The following PEAK1 variants were observed in gnomAD, a reference collection of about 807,000 sequenced individuals.
PEAK1 encodes inactive tyrosine-protein kinase PEAK1.
A neutral mutation model predicts 124.7 loss-of-function variants in PEAK1; 54 were observed. The ratio of observed to expected loss-of-function variants is 0.43; its 90% confidence interval spans 0.35 to 0.54. The LOEUF is 0.54. PEAK1 is among the 20% of genes least tolerant of loss of function. The pLI is 0.01. For missense variants in PEAK1, 2,046 were observed against 2,134.5 expected (o/e 0.96, Z 0.82); for synonymous variants, 719 against 760.0 (o/e 0.95, Z 0.89).
rs1027962130 is a variant in PEAK1, at chr15:77,333,118, A to G, written c.-603+32045T>C. On this transcript the variant is annotated intron_variant, in intron 2 of 9. Transcript: ENST00000682557. Reference sequence around the variant, plus strand: ...CAATTTTGTTGATGGTATTTGATACATAATTTTTTGTGCAACTAAAACACT... The same window carrying G: ...CAATTTTGTTGATGGTATTTGATACGTAATTTTTTGTGCAACTAAAACACT... 6.1e-6 allele frequency: 6 copies of G among 981,880 alleles called. No individual in the cohort carries two copies. In the East Asian group the frequency reaches 6.8e-4, roughly 111 times the overall value. 60.8% of individuals were successfully genotyped at this position (981,880 alleles called of 1,614,324 possible).
Position 77,181,477 on chromosome 15 carries a change from A to G in PEAK1, c.450T>C (p.Thr150=). The G allele has an allele frequency of 2.5e-6, 4 of 1,614,116 alleles. No homozygotes were observed. Among genetic ancestry groups the G allele is most frequent in the Non-Finnish European group, 3.4e-6 (4 of 1,180,022 alleles). ...KKMSDNNNGL[T]EVLKEIAGLD... is the part of the protein sequence containing the mutation. ...AGCCTGCTATCTCCTTTAACACTTC[A>G]GTTAGTCCATTATTGTTATCTGACA... Residue 150 remains threonine, a synonymous_variant, in exon 7 of 10, where the codon ACT becomes ACC. Coordinates refer to ENST00000682557, the MANE Select transcript of PEAK1 (RefSeq NM_001385026.1).
In PEAK1 at chr15:77,286,425, G is replaced by A; in HGVS notation, c.-523C>T. 5 of 1,214,654 alleles carry A rather than the reference G, an allele frequency of 4.1e-6. No individual in the cohort carries two copies. Among genetic ancestry groups the A allele is most frequent in the Non-Finnish European group, 5.1e-6 (5 of 972,774 alleles). 75.2% of individuals were successfully genotyped at this position (1,214,654 alleles called of 1,614,324 possible). ...TTATGGAAAGAAAAAGTACAAACCT[G>A]GTTTAATTGGCTCCAACTCTGGGCA... On this transcript the variant is annotated splice_region_variant and 5_prime_UTR_variant, in exon 3 of 10. Coordinates refer to ENST00000682557, the MANE Select transcript of PEAK1 (RefSeq NM_001385026.1).
At position 77,176,437 on chromosome 15, in the gene PEAK1, T is replaced by C. The variant is rs2152813009; in HGVS notation, c.3137+2353A>G. Among the ~76,000 whole-genome samples the C allele has an allele frequency of 2.6e-5, 4 of 152,236 alleles. No homozygotes were observed. In the South Asian group the frequency reaches 8.3e-4, roughly 32 times the overall value. ...AAGTGTGACCCAAGGACCAGCAGCA[T>C]CAGTATCACCCAGGAACTTATTAGA... On this transcript the variant is annotated intron_variant, in intron 7 of 9. Coordinates refer to ENST00000682557, the MANE Select transcript of PEAK1 (RefSeq NM_001385026.1).
At chr15:77,400,135 T>A (rs1036184226) in intron 1 of PEAK1, among the ~76,000 whole-genome samples, 11 of 152,184 alleles carry the variant, frequency 7.2e-5, no homozygotes, top group Admixed American at 1.3e-4. Context: ...AAATGGCTTT[T>A]ATCCAAAAGA....
At chr15:77,280,989 A>C (rs1301725386) in intron 5 of PEAK1, among the ~76,000 whole-genome samples, 1 of 152,036 alleles carries the variant, frequency 6.6e-6, no homozygotes, top group Non-Finnish European at 1.5e-5. Context: ...GTGAAACCCC[A>C]TCTCTACTGA....
chr15:77,371,326 T>G (rs2068625660), intron 1 of PEAK1: 1 of 915,228 alleles, frequency 1.1e-6, no homozygotes, highest in South Asian at 5.0e-5. Context: ...AAATATTCCT[T>G]CCTTTAATTA....
At chr15:77,352,908 T>C in intron 2 of PEAK1, 1 of 985,396 alleles carries the variant, frequency 1.0e-6, no homozygotes. Context: ...AGGCACATAT[T>C]TGCTATACAC....
At chr15:77,197,120 CG>C (rs2058145254) in intron 6 of PEAK1, among the ~76,000 whole-genome samples, 3 of 151,908 alleles carry the variant, frequency 2.0e-5, no homozygotes, top group African/African-American at 7.2e-5. Context: ...CCCATAGTGC[CG>C]GGATTACAGG....
At chr15:77,190,977 A>G (rs1405515694) in intron 6 of PEAK1, among the ~76,000 whole-genome samples, 1 of 152,202 alleles carries the variant, frequency 6.6e-6, no homozygotes, top group Non-Finnish European at 1.5e-5. Flanking sequence ...TTATAGCTAA[A>G]TGACAACTAT....
chr15:77,259,453 G>C (rs1431802006), intron 5 of PEAK1, among the ~76,000 whole-genome samples: 1 of 152,074 alleles, frequency 6.6e-6, no homozygotes, highest in Non-Finnish European at 1.5e-5. Context: ...TGGGCTCTCT[G>C]ATTTGAAAAA....
chr15:77,161,084 T>C (rs2055594368), intron 7 of PEAK1, among the ~76,000 whole-genome samples: 1 of 152,196 alleles, frequency 6.6e-6, no homozygotes, highest in African/African-American at 2.4e-5. Context: ...AAAACATGAA[T>C]ACTTAAAAGC....
intron 6 of PEAK1, among the ~76,000 whole-genome samples, chr15:77,187,173 T>G (rs1422288644): frequency 6.6e-6 from 1 of 152,202 alleles, no homozygotes; most frequent in Non-Finnish European, 1.5e-5. Flanking sequence ...ATGGGAGAGT[T>G]TAATGGCTGA....
intron 2 of PEAK1, among the ~76,000 whole-genome samples, chr15:77,322,393 A>T (rs1003162455): frequency 6.6e-6 from 1 of 152,178 alleles, no homozygotes; most frequent in African/African-American, 2.4e-5. Flanking sequence ...TAGACTAATA[A>T]AGAAGAAAAG....
chr15:77,181,655 A>C lies in PEAK1; in HGVS notation c.272T>G (p.Ile91Ser). Residue 91 changes from isoleucine to serine, a missense_variant, in exon 7 of 10, where the codon ATC becomes AGC. Physicochemically the swap from Ile to Ser is moderately radical, Grantham distance 142. Transcript: ENST00000682557. Reference sequence around the variant, plus strand: ...AGGTTTGTTCTCACAGTGTTCTTGGATGCTAAGCTCACCACATATACTTTG... The same window carrying C: ...AGGTTTGTTCTCACAGTGTTCTTGGCTGCTAAGCTCACCACATATACTTTG... ...DGQSICGELSIQEHCENKPVI... is the reference protein window; with the variant it reads ...DGQSICGELSSQEHCENKPVI... 1.2e-6 allele frequency: 2 copies of C among 1,614,104 alleles called. No homozygotes were observed. The highest frequency in any genetic ancestry group is 8.5e-7 in the Non-Finnish European group (1 of 1,180,024).
chr15:77,120,822 T>G (rs2152722227), intron 9 of PEAK1, among the ~76,000 whole-genome samples: 1 of 152,336 alleles, frequency 6.6e-6, no homozygotes. Context: ...CCATTTGCTC[T>G]TACTATATTG....
intron 5 of PEAK1, among the ~76,000 whole-genome samples, chr15:77,277,880 A>T (rs2062419768): frequency 6.6e-6 from 1 of 152,184 alleles, no homozygotes; most frequent in Non-Finnish European, 1.5e-5. Flanking sequence ...GGCAGAATGC[A>T]CAGGATTTTT....
chr15:77,127,785 G>C (rs1371292802), intron 9 of PEAK1, among the ~76,000 whole-genome samples: 1 of 152,168 alleles, frequency 6.6e-6, no homozygotes, highest in Non-Finnish European at 1.5e-5. Context: ...TATCCATACT[G>C]TGAAAACGGT....
intron 5 of PEAK1, among the ~76,000 whole-genome samples, chr15:77,276,642 A>G (rs930589260): frequency 6.6e-6 from 1 of 152,172 alleles, no homozygotes; most frequent in African/African-American, 2.4e-5. Context: ...AATCGTGGAT[A>G]ATGAGGAAGG....
chr15:77,253,042 A>C (rs2060951182), intron 5 of PEAK1, among the ~76,000 whole-genome samples: 1 of 152,212 alleles, frequency 6.6e-6, no homozygotes, highest in African/African-American at 2.4e-5. Context: ...AATTAAATAC[A>C]TGTCTACCTA....
Sources: allele counts gnomAD v4.1 joint callset (sites outside exome capture counted in the v4.1 genomes callset), GRCh38; gene constraint gnomAD v4.1.1; transcripts MANE v1.5; gene names NCBI Gene and HGNC (gene_info 2026-07-23, HGNC 2026-07-21).